PPP2R2C: variants seen among roughly 807,000 people sequenced by gnomAD.
PPP2R2C encodes protein phosphatase 2 regulatory subunit Bgamma.
PPP2R2C carries 10 observed loss-of-function variants against 45.3 expected under a neutral mutation model. The observed-to-expected ratio is 0.22, with a 90% confidence interval of 0.14 to 0.37. The LOEUF (loss-of-function observed/expected upper bound fraction) is 0.37, where lower values mean the gene tolerates loss of function less well. PPP2R2C is among the 10% of genes least tolerant of loss of function. PPP2R2C has a pLI of 1.00. For synonymous variants in PPP2R2C, 257 were observed against 245.4 expected, an observed-to-expected ratio of 1.05 and a Z score of -0.44; for missense variants, 308 against 619.7, an observed-to-expected ratio of 0.50 and a Z score of 5.34.
chr4:6,363,282 G>C (rs1203233918), intron 5 of PPP2R2C, among the ~76,000 whole-genome samples: 1 of 152,180 alleles, frequency 6.6e-6, no homozygotes, highest in East Asian at 1.9e-4. Flanking sequence ...GATATCTGTA[G>C]AAATACTACC....
chr4:6,510,994 CAAACA>C (rs1233888221), intron 2 of PPP2R2C, among the ~76,000 whole-genome samples: 2 of 33,226 alleles, frequency 6.0e-5, no homozygotes, highest in Non-Finnish European at 2.6e-4. Flanking sequence ...AAAAAACAAA[CAAACA>C]AAAAAAAAAA....
intron 1 of PPP2R2C, among the ~76,000 whole-genome samples, chr4:6,432,547 G>A (rs1719678829): frequency 6.6e-6 from 1 of 152,188 alleles, no homozygotes. Context: ...CCCAAAGGGT[G>A]GGCCCAGTAT....
intron 1 of PPP2R2C, among the ~76,000 whole-genome samples, chr4:6,561,216 G>A (rs875579): frequency 0.29 from 44,460 of 152,052 alleles, 8,147 homozygotes; most frequent in East Asian, 0.53. Flanking sequence ...TGCCTGACTC[G>A]ACACTCAACT....
intron 1 of PPP2R2C, among the ~76,000 whole-genome samples, chr4:6,415,446 T>C (rs1029326932): frequency 4.6e-5 from 7 of 152,218 alleles, no homozygotes; most frequent in Non-Finnish European, 1.0e-4. Flanking sequence ...ACGGTGACAG[T>C]GACACTTTGA....
chr4:6,343,727 C>T (rs1711556829), intron 6 of PPP2R2C, among the ~76,000 whole-genome samples: 1 of 152,106 alleles, frequency 6.6e-6, no homozygotes, highest in South Asian at 2.1e-4. Context: ...AAAAATTCTT[C>T]TCTCCCTCAA....
rs571194346 is a variant in PPP2R2C at position 6,355,107 on chromosome 4, G to T, written c.626-7097C>A. 2.6e-5 allele frequency among the ~76,000 whole-genome samples: 4 copies of T among 152,312 alleles called. No individual in the cohort carries two copies. The South Asian group carries it at 6.2e-4, about 24-fold the overall frequency. On this transcript the variant is annotated intron_variant, in intron 5 of 8. Coordinates refer to ENST00000382599, the MANE Select transcript of PPP2R2C (RefSeq NM_020416.4). ...TTATTACATTATTGGCCTGTTTGTTGCTATCTGTCCCCAGCGAGGGCAGGG... is the reference window on the plus strand; with the variant it reads ...TTATTACATTATTGGCCTGTTTGTTTCTATCTGTCCCCAGCGAGGGCAGGG...
intron 5 of PPP2R2C, among the ~76,000 whole-genome samples, chr4:6,355,201 C>T (rs183257606): frequency 5.7e-4 from 58 of 102,006 alleles, no homozygotes; most frequent in African/African-American, 1.4e-3. Flanking sequence ...TAAGTAGTTG[C>T]TGACTGAATG....
intron 2 of PPP2R2C, among the ~76,000 whole-genome samples, chr4:6,529,344 C>T (rs138784976): frequency 1.6e-4 from 25 of 152,374 alleles, no homozygotes; most frequent in African/African-American, 4.6e-4. Context: ...CCTGGCCTCT[C>T]CTCTAGGCAC....
chr4:6,351,953 G>A (rs1712603652), intron 5 of PPP2R2C, among the ~76,000 whole-genome samples: 2 of 152,176 alleles, frequency 1.3e-5, no homozygotes, highest in African/African-American at 4.8e-5. Context: ...CAAGTGGGGT[G>A]GCCCCTGTTG....
chr4:6,326,095 T>C, intron 8 of PPP2R2C, among the ~76,000 whole-genome samples: 1 of 152,184 alleles, frequency 6.6e-6, no homozygotes. Flanking sequence ...TCCATGCTGA[T>C]TGGTGCAAAA....
At chr4:6,346,958 G>A (rs1316195668) in intron 6 of PPP2R2C, among the ~76,000 whole-genome samples, 1 of 152,226 alleles carries the variant, frequency 6.6e-6, no homozygotes, top group Non-Finnish European at 1.5e-5. Context: ...CTCTGCCTGG[G>A]GGACACCCCA....
chr4:6,527,955 T>G (rs1724271950), intron 2 of PPP2R2C, among the ~76,000 whole-genome samples: 1 of 152,122 alleles, frequency 6.6e-6, no homozygotes, highest in African/African-American at 2.4e-5. Context: ...GAGCCCAGAC[T>G]CCAAGCCCCA....
At chr4:6,530,740 AT>A (rs1268887096) in intron 2 of PPP2R2C, among the ~76,000 whole-genome samples, 9 of 152,260 alleles carry the variant, frequency 5.9e-5, no homozygotes, top group African/African-American at 2.2e-4. Context: ...CAACCATGAG[AT>A]TTGTACCCAC....
In PPP2R2C at chr4:6,328,577, C is replaced by T. The variant is rs776110964; in HGVS notation, c.1052+685G>A. ...GAAGAGACACAGAGGTAAGGACCCA[C>T]GGGTAGAGGTCAGGTCAGGAGCCCC... On this transcript the variant is annotated intron_variant, in intron 8 of 8. Coordinates refer to ENST00000382599, the MANE Select transcript of PPP2R2C (RefSeq NM_020416.4). This position sits in a 1 kb window ranked among gnomAD's most constrained non-coding sequence, Gnocchi z 4.4. Among the ~76,000 whole-genome samples, 53 of 152,216 alleles carry T rather than the reference C, an allele frequency of 3.5e-4. No individual in the cohort carries two copies. The highest frequency in any genetic ancestry group is 5.8e-4 in the African/African-American group (24 of 41,454).
At position 6,324,899 on chromosome 4, in the gene PPP2R2C, G is replaced by A. The variant is rs370671022; in HGVS notation, c.1053-1306C>T. ...CTGTGAGGTGCAAGGTAACTGGGGAGGAAGAGGATGTTACGAAAAGCGACC... is the reference window on the plus strand; with the variant it reads ...CTGTGAGGTGCAAGGTAACTGGGGAAGAAGAGGATGTTACGAAAAGCGACC... On this transcript the variant is annotated intron_variant, in intron 8 of 8. Coordinates refer to ENST00000382599, the MANE Select transcript of PPP2R2C (RefSeq NM_020416.4). The surrounding 1 kb of genome is among the most constrained non-coding windows in gnomAD (Gnocchi z 4.1). 5.5e-4 allele frequency among the ~76,000 whole-genome samples: 84 copies of A among 152,358 alleles called. 1 individual carries two copies. Among genetic ancestry groups the A allele is most frequent in the African/African-American group, 1.9e-3 (79 of 41,582 alleles).
chr4:6,511,308 G>A (rs1723454667), intron 2 of PPP2R2C, among the ~76,000 whole-genome samples: 1 of 151,970 alleles, frequency 6.6e-6, no homozygotes, highest in Non-Finnish European at 1.5e-5. Flanking sequence ...TGGTGGTGAT[G>A]GTATTGATGG....
chr4:6,499,812 CCTTA>C (rs1364479070), intron 2 of PPP2R2C, among the ~76,000 whole-genome samples: 1 of 151,946 alleles, frequency 6.6e-6, no homozygotes, highest in Non-Finnish European at 1.5e-5. Context: ...TGGGCTCCCT[CCTTA>C]CTTCATTCAG....
intron 5 of PPP2R2C, 46 bp from the exon 6 acceptor site, chr4:6,348,056 A>G (rs1035232879): frequency 5.6e-6 from 9 of 1,593,310 alleles, no homozygotes; most frequent in Admixed American, 3.4e-5. Context: ...GGCGCCCTCA[A>G]TGCTCCGCCT....
chr4:6,393,484 T>C (rs1388745801), intron 1 of PPP2R2C, among the ~76,000 whole-genome samples: 1 of 152,248 alleles, frequency 6.6e-6, no homozygotes, highest in East Asian at 1.9e-4. Context: ...CTTTTAAGGC[T>C]GGTCCCTTTC....
Sources: gnomAD v4.1 joint callset for allele counts (sites outside exome capture counted in the v4.1 genomes callset) on GRCh38, gnomAD v4.1.1 for gene constraint, Gnocchi (gnomAD v3.1) non-coding constraint, MANE v1.5 for transcripts, NCBI Gene and HGNC (gene_info 2026-07-23, HGNC 2026-07-21) for gene names.